Variants in ACOXL observed in about 807,000 individuals in gnomAD.
ACOXL encodes the protein acyl-CoA oxidase like, also known as acyl-coenzyme A oxidase-like protein.
Under a neutral mutation model 71.9 loss-of-function variants are expected in ACOXL, and 70 were observed. The observed-to-expected ratio is 0.97, with a 90% CI of 0.80 to 1.19. The LOEUF (loss-of-function observed/expected upper bound fraction) is 1.19. ACOXL is among the 50% of genes most tolerant of loss of function. The pLI is 0.00. For missense variants in ACOXL, 703 were observed against 736.3 expected (o/e 0.95, Z 0.52); for synonymous variants, 253 against 281.6 (o/e 0.90, Z 1.02).
At chr2:111,063,657 T>C (rs2066920899) in intron 16 of ACOXL, among the ~76,000 whole-genome samples, 1 of 152,198 alleles carries the variant, frequency 6.6e-6, no homozygotes. Context: ...ACAAAATTCC[T>C]ATAGCTAACA....
At chr2:110,959,326 A>G (rs1336452367) in intron 12 of ACOXL, among the ~76,000 whole-genome samples, 1 of 152,180 alleles carries the variant, frequency 6.6e-6, no homozygotes, top group East Asian at 1.9e-4. Flanking sequence ...ATTCAGCTTC[A>G]GAAGTCCTGC....
At chr2:110,974,170 C>T (rs1026782352) in intron 12 of ACOXL, among the ~76,000 whole-genome samples, 4 of 152,320 alleles carry the variant, frequency 2.6e-5, no homozygotes, top group Admixed American at 6.5e-5. Context: ...CTGGATCCTG[C>T]TTTGATTCTC....
At chr2:110,752,711 T>C (rs1329032255) in intron 1 of ACOXL, among the ~76,000 whole-genome samples, 1 of 151,982 alleles carries the variant, frequency 6.6e-6, no homozygotes, top group African/African-American at 2.4e-5. Flanking sequence ...AAGATACTTG[T>C]CATGTCCGTC....
chr2:110,780,004 G>C (rs1462076873), intron 2 of ACOXL, among the ~76,000 whole-genome samples: 1 of 152,154 alleles, frequency 6.6e-6, no homozygotes, highest in Non-Finnish European at 1.5e-5. Context: ...ACATCATTAA[G>C]AGAATAAAAA....
chr2:110,877,096 C>A (rs1696014815), intron 10 of ACOXL, among the ~76,000 whole-genome samples: 2 of 152,312 alleles, frequency 1.3e-5, no homozygotes, highest in Middle Eastern at 6.8e-3. Flanking sequence ...TAGGTGACAG[C>A]TGAATGAAAG....
chr2:110,784,607 A>G (rs953214113), intron 2 of ACOXL, 125 bp from the exon 3 acceptor site: 1 of 663,688 alleles, frequency 1.5e-6, no homozygotes, highest in Admixed American at 3.6e-5. Flanking sequence ...TTCTTAATTT[A>G]AAAACTGCTT....
chr2:111,117,572 A>C (rs1407394688), intron 17 of ACOXL, 44 bp from the exon 18 acceptor site: 2 of 1,545,510 alleles, frequency 1.3e-6, no homozygotes, highest in African/African-American at 2.7e-5. Context: ...GATGGCTGTA[A>C]GTGTGCCAAC....
In ACOXL at chr2:110,793,742, G is replaced by T. The variant is rs778343784; in HGVS notation, c.246+6G>T. Reference sequence around the variant, plus strand: ...AGTGGTTTCAGCCACTCCAGGTATGGTATTTTCCTCAACATTGGTCTTCTA... The same window carrying T: ...AGTGGTTTCAGCCACTCCAGGTATGTTATTTTCCTCAACATTGGTCTTCTA... On this transcript the variant is annotated splice_donor_region_variant and intron_variant, in intron 4 of 17. Transcript: ENST00000439055. The T allele has an allele frequency of 6.2e-7, 1 of 1,611,854 alleles. No individual in the cohort carries two copies. Among genetic ancestry groups the T allele is most frequent in the South Asian group, 1.1e-5 (1 of 91,022 alleles).
chr2:111,063,597 T>C (rs1462751669), intron 16 of ACOXL, among the ~76,000 whole-genome samples: 4 of 152,136 alleles, frequency 2.6e-5, no homozygotes, highest in African/African-American at 7.2e-5. Flanking sequence ...TAACAACTCC[T>C]AGACAAATAG....
At chr2:110,752,629 C>T (rs1679148968) in intron 1 of ACOXL, among the ~76,000 whole-genome samples, 2 of 151,628 alleles carry the variant, frequency 1.3e-5, no homozygotes, top group South Asian at 4.2e-4. Flanking sequence ...TGCGATAATT[C>T]ACTGGGCTGT....
intron 1 of ACOXL, among the ~76,000 whole-genome samples, chr2:110,737,994 G>C (rs1218915684): frequency 6.6e-6 from 1 of 152,242 alleles, no homozygotes; most frequent in Non-Finnish European, 1.5e-5. Flanking sequence ...GTCAACAGAA[G>C]ATAGCTGAGA....
chr2:110,801,860 A>G, intron 8 of ACOXL, 136 bp downstream of exon 8: 1 of 674,082 alleles, frequency 1.5e-6, no homozygotes. Flanking sequence ...TTTGTTGACA[A>G]CTAATTGGAA....
intron 9 of ACOXL, among the ~76,000 whole-genome samples, chr2:110,818,730 T>A (rs1215553081): frequency 6.6e-6 from 1 of 152,052 alleles, no homozygotes; most frequent in Non-Finnish European, 1.5e-5. Flanking sequence ...ACTAAAGACA[T>A]CTAAGCATTG....
chr2:110,919,326 T>C (rs1438408529), intron 11 of ACOXL, among the ~76,000 whole-genome samples: 1 of 150,226 alleles, frequency 6.7e-6, no homozygotes, highest in Non-Finnish European at 1.5e-5. Flanking sequence ...AAACACCACA[T>C]GTTCTCGCTC....
chr2:110,947,413 G>A (rs1021506128), intron 12 of ACOXL, among the ~76,000 whole-genome samples: 1 of 152,206 alleles, frequency 6.6e-6, no homozygotes, highest in Non-Finnish European at 1.5e-5. Flanking sequence ...GTCATGGAAG[G>A]GGAGCTGCTG....
rs1336749609 is a variant in ACOXL, at chr2:110,882,453, CAGA to C, written c.789-26333_789-26331del. On this transcript the variant is annotated intron_variant, in intron 10 of 17. Coordinates refer to ENST00000439055, the MANE Select transcript of ACOXL (RefSeq NM_001142807.4). ...TCTCTTAATAGTGTTTTTCAAAGGG[CAGA>C]AGTTTTTAATTTTCATAAAACCCAA... Among the ~76,000 whole-genome samples, 9 of 152,210 alleles carry C rather than the reference CAGA, an allele frequency of 5.9e-5. No individual in the cohort carries two copies. The East Asian group carries it at 1.7e-3, about 29-fold the overall frequency.
intron 1 of ACOXL, among the ~76,000 whole-genome samples, chr2:110,753,396 A>G (rs1464466403): frequency 2.0e-5 from 3 of 152,202 alleles, no homozygotes; most frequent in Non-Finnish European, 4.4e-5. Context: ...TGACAGGGCT[A>G]TTGGAATGAG....
At chr2:110,888,056 G>A (rs1042078855) in intron 10 of ACOXL, 1 of 152,170 alleles carries the variant, frequency 6.6e-6, no homozygotes, top group African/African-American at 2.4e-5. Context: ...TAGTTTTAAT[G>A]ATTAGTCTCC....
chr2:111,047,639 G>A (rs1574597305), intron 15 of ACOXL, among the ~76,000 whole-genome samples: 1 of 152,218 alleles, frequency 6.6e-6, no homozygotes, highest in Admixed American at 6.5e-5. Flanking sequence ...GACAGCAAAA[G>A]CATTCGTGTA....
Sources: allele counts gnomAD v4.1 joint callset (sites outside exome capture counted in the v4.1 genomes callset), GRCh38; gene constraint gnomAD v4.1.1; transcripts MANE v1.5; gene names NCBI Gene and HGNC (gene_info 2026-07-23, HGNC 2026-07-21).